Variants in SASH1 observed in about 807,000 individuals in gnomAD.
SASH1 encodes the protein SAM and SH3 domain containing 1.
SASH1 carries 44 observed loss-of-function variants against 125.2 expected under a neutral mutation model. The observed-to-expected ratio is 0.35, with a 90% confidence interval of 0.28 to 0.45. SASH1 has a LOEUF of 0.45. Ranked by LOEUF, SASH1 falls within the 20% of genes least tolerant of loss-of-function variation. SASH1 has a pLI of 1.00. For synonymous variants in SASH1, 639 were observed against 649.1 expected, an observed-to-expected ratio of 0.98 and a Z score of 0.24; for missense variants, 1,426 against 1,614.5, an observed-to-expected ratio of 0.88 and a Z score of 2.00.
intron 1 of SASH1, among the ~76,000 whole-genome samples, chr6:148,369,759 G>C (rs2114741433): frequency 6.6e-6 from 1 of 152,070 alleles, no homozygotes; most frequent in Middle Eastern, 3.4e-3. Context: ...TTTGAGACCA[G>C]CCTGGCCAGC....
chr6:148,412,527 C>T (rs908109818), intron 2 of SASH1, among the ~76,000 whole-genome samples: 3 of 152,182 alleles, frequency 2.0e-5, no homozygotes, highest in Non-Finnish European at 4.4e-5. Context: ...AAAAGCTATG[C>T]GTATCAGTCC....
At chr6:148,475,312 C>G (rs1778291451) in intron 7 of SASH1, among the ~76,000 whole-genome samples, 1 of 152,160 alleles carries the variant, frequency 6.6e-6, no homozygotes, top group Admixed American at 6.5e-5. Context: ...GGTAATTCAT[C>G]AAGAACAGGA....
chr6:148,229,719 C>CTTTT, the SASH1 span, among the ~76,000 whole-genome samples: 36 of 121,402 alleles, frequency 3.0e-4, 1 homozygote, highest in Non-Finnish European at 4.0e-4. Flanking sequence ...CGTCAGAGCA[C>CTTTT]TTTTTTTTTT....
chr6:148,352,962 T>C (rs1296326840), intron 1 of SASH1, among the ~76,000 whole-genome samples: 4 of 152,156 alleles, frequency 2.6e-5, no homozygotes, highest in Non-Finnish European at 4.4e-5. Flanking sequence ...AGAGCAAGTC[T>C]CTGTCTCCAA....
intron 1 of SASH1, among the ~76,000 whole-genome samples, chr6:148,367,527 T>C (rs1337712363): frequency 6.6e-6 from 1 of 152,252 alleles, no homozygotes; most frequent in Non-Finnish European, 1.5e-5. Context: ...CCCATTTCTC[T>C]GTAGCAGTCA....
chr6:148,361,112 C>T (rs543985236), intron 1 of SASH1, among the ~76,000 whole-genome samples: 10 of 152,240 alleles, frequency 6.6e-5, no homozygotes, highest in South Asian at 6.2e-4. Flanking sequence ...TGCCGAAGAT[C>T]GCTGGCAGCC....
the SASH1 span, among the ~76,000 whole-genome samples, chr6:148,249,145 A>G: frequency 6.6e-6 from 1 of 152,242 alleles, no homozygotes; most frequent in East Asian, 1.9e-4. Context: ...GAGAAGGCTC[A>G]CAGATTAAAA....
At chr6:148,343,325 G>C (rs1781407348) in intron 1 of SASH1, 102 bp downstream of exon 1, 15 of 1,093,836 alleles carry the variant, frequency 1.4e-5, no homozygotes, top group Admixed American at 2.2e-5. Context: ...AACCCACTCC[G>C]CAGAGGCGTC....
chr6:148,481,773 T>C (rs1329173474), intron 7 of SASH1, among the ~76,000 whole-genome samples: 1 of 152,122 alleles, frequency 6.6e-6, no homozygotes, highest in Non-Finnish European at 1.5e-5. Context: ...GGATCACAGG[T>C]CACCATAACA....
At chr6:148,485,182 GGACTAGA>G (rs914119962) in intron 7 of SASH1, among the ~76,000 whole-genome samples, 7 of 152,100 alleles carry the variant, frequency 4.6e-5, no homozygotes, top group African/African-American at 1.7e-4. Context: ...ATATAAACAT[GGACTAGA>G]GACCTGAAGA....
chr6:148,296,646 C>G (rs919972652), intron 1 of SASH1, among the ~76,000 whole-genome samples: 3 of 152,102 alleles, frequency 2.0e-5, no homozygotes, highest in Non-Finnish European at 4.4e-5. Context: ...CTGCTCTGTC[C>G]GACTCAAAAG....
intron 7 of SASH1, among the ~76,000 whole-genome samples, chr6:148,474,570 T>C (rs917312575): frequency 6.6e-6 from 1 of 152,146 alleles, no homozygotes; most frequent in African/African-American, 2.4e-5. Flanking sequence ...ATTGTAAACA[T>C]CAGGATTTTT....
At chr6:148,324,518 C>G (rs1242563917) in intron 1 of SASH1, among the ~76,000 whole-genome samples, 1 of 152,172 alleles carries the variant, frequency 6.6e-6, no homozygotes, top group Non-Finnish European at 1.5e-5. Context: ...TCACCCAGTC[C>G]TTCCAATTCA....
intron 8 of SASH1, among the ~76,000 whole-genome samples, chr6:148,504,500 C>T (rs144373137): frequency 1.4e-3 from 212 of 152,214 alleles, no homozygotes; most frequent in African/African-American, 4.5e-3. Context: ...TGTTCAAGCC[C>T]GCCACCCAGA....
Position 148,448,463 on chromosome 6 carries a change from C to G in SASH1, c.386+8056C>G, listed in dbSNP as rs564284950. On this transcript the variant is annotated intron_variant, in intron 4 of 19. Transcript: ENST00000367467. The stretch of plus-strand genomic sequence containing the variant: ...TAGGAACCTAACCAGAGGCCTCTCC[C>G]CACGTGAGTCCCTGTTGCATTGGGT... 3.3e-5 allele frequency among the ~76,000 whole-genome samples: 5 copies of G among 152,254 alleles called. No homozygotes were observed. The East Asian group carries it at 5.8e-4, about 18-fold the overall frequency.
chr6:148,340,517 G>T (rs1469716754), upstream of SASH1, among the ~76,000 whole-genome samples: 1 of 151,308 alleles, frequency 6.6e-6, no homozygotes, highest in Non-Finnish European at 1.5e-5. Context: ...GTATCACGTG[G>T]TGAATAAATT....
At chr6:148,303,656 G>C (rs1401637816) in intron 1 of SASH1, among the ~76,000 whole-genome samples, 1 of 151,834 alleles carries the variant, frequency 6.6e-6, no homozygotes, top group Admixed American at 6.6e-5. Context: ...ACTTAGCTGG[G>C]TGGTGGCGGG....
intron 4 of SASH1, among the ~76,000 whole-genome samples, chr6:148,458,582 A>G (rs1777463871): frequency 6.6e-6 from 1 of 152,194 alleles, no homozygotes; most frequent in African/African-American, 2.4e-5. Flanking sequence ...ATAGAGCTTT[A>G]TTATCTATAC....
chr6:148,344,962 G>A (rs1781476102), intron 1 of SASH1, among the ~76,000 whole-genome samples: 2 of 152,030 alleles, frequency 1.3e-5, no homozygotes, highest in African/African-American at 2.4e-5. Flanking sequence ...CACCATGTTA[G>A]CCAGGCTGGT....
Sources: gnomAD v4.1 joint callset for allele counts (sites outside exome capture counted in the v4.1 genomes callset) on GRCh38, gnomAD v4.1.1 for gene constraint, MANE v1.5 for transcripts, NCBI Gene and HGNC (gene_info 2026-07-23, HGNC 2026-07-21) for gene names.